Variants in EGLN1 observed in about 807,000 individuals in gnomAD.
EGLN1 encodes egl nine homolog 1.
A neutral mutation model predicts 38.3 loss-of-function variants in EGLN1; 17 were observed. That is an observed-to-expected ratio of 0.44 (90% CI 0.30 to 0.67). EGLN1 has a LOEUF of 0.67. Among genes scored for constraint, EGLN1 ranks in the 30% least tolerant of loss-of-function variants. The pLI is 0.08. For missense variants in EGLN1, 477 were observed against 603.3 expected, an observed-to-expected ratio of 0.79 and a Z score of 2.19; for synonymous variants, 283 against 257.5, an observed-to-expected ratio of 1.10 and a Z score of -0.95.
At chr1:231,401,558 T>G (rs1300380974) in intron 1 of EGLN1, among the ~76,000 whole-genome samples, 1 of 149,016 alleles carries the variant, frequency 6.7e-6, no homozygotes, top group East Asian at 2.0e-4. Context: ...AAATTACAAA[T>G]AGTACAAACT....
rs192719508 is a variant in EGLN1 at position 231,392,419 on chromosome 1, T to C, written c.892-18320A>G. On this transcript the variant is annotated intron_variant, in intron 1 of 4. Coordinates refer to ENST00000366641, the MANE Select transcript of EGLN1 (RefSeq NM_022051.3). ...GCTATTTAAGTCATATTAACAATTA[T>C]TTATTAAGCATACTATGTAGAAAAA... is the stretch of plus-strand genomic sequence containing the variant. 2.4e-3 allele frequency among the ~76,000 whole-genome samples: 371 copies of C among 152,360 alleles called. 6 individuals are homozygous for C. Among genetic ancestry groups the C allele is most frequent in the African/African-American group, 8.3e-3 (345 of 41,588 alleles).
At chr1:231,397,939 G>T (rs922029492) in intron 1 of EGLN1, among the ~76,000 whole-genome samples, 1 of 152,180 alleles carries the variant, frequency 6.6e-6, no homozygotes, top group African/African-American at 2.4e-5. Flanking sequence ...TGAAGAAACT[G>T]ATAAGCCCAT....
At chr1:231,400,884 T>C (rs1486598978) in intron 1 of EGLN1, among the ~76,000 whole-genome samples, 3 of 151,910 alleles carry the variant, frequency 2.0e-5, no homozygotes, top group African/African-American at 4.8e-5. Flanking sequence ...ACCCCATCTC[T>C]ACAAATAATA....
At chr1:231,411,903 G>A (rs1688958444) in intron 1 of EGLN1, among the ~76,000 whole-genome samples, 1 of 151,196 alleles carries the variant, frequency 6.6e-6, no homozygotes, top group African/African-American at 2.4e-5. Context: ...GGAGGCTGAG[G>A]GAGGAGAATC....
At chr1:231,396,641 A>G (rs1688538470) in intron 1 of EGLN1, among the ~76,000 whole-genome samples, 1 of 152,174 alleles carries the variant, frequency 6.6e-6, no homozygotes, top group East Asian at 1.9e-4. Context: ...CACCCCAGTA[A>G]GTCGAGGTTG....
chr1:231,411,688 C>T (rs915525406), intron 1 of EGLN1, among the ~76,000 whole-genome samples: 3 of 152,070 alleles, frequency 2.0e-5, no homozygotes, highest in African/African-American at 7.2e-5. Context: ...AAAAGCAAGG[C>T]TTCCTATGCT....
intron 1 of EGLN1, among the ~76,000 whole-genome samples, chr1:231,406,744 T>G (rs1688807029): frequency 6.6e-6 from 1 of 151,918 alleles, no homozygotes; most frequent in Admixed American, 6.6e-5. Context: ...AGCAGAACAT[T>G]GTGTGTACTA....
intron 1 of EGLN1, among the ~76,000 whole-genome samples, chr1:231,407,402 CA>C (rs1484059229): frequency 1.3e-5 from 2 of 152,142 alleles, no homozygotes; most frequent in African/African-American, 4.8e-5. Flanking sequence ...GAGTAAATTA[CA>C]GTTCGAAAAC....
At chr1:231,379,737 T>C (rs1688036092) in intron 1 of EGLN1, among the ~76,000 whole-genome samples, 1 of 152,136 alleles carries the variant, frequency 6.6e-6, no homozygotes, top group Admixed American at 6.5e-5. Context: ...TGAAGAAAAC[T>C]TCGCAGACAT....
chr1:231,400,206 G>A (rs1021054652), intron 1 of EGLN1, among the ~76,000 whole-genome samples: 20 of 152,138 alleles, frequency 1.3e-4, no homozygotes, highest in African/African-American at 4.1e-4. Flanking sequence ...TTTAACAATG[G>A]AGAGTATGCC....
intron 1 of EGLN1, among the ~76,000 whole-genome samples, chr1:231,420,659 G>A (rs758428116): frequency 2.0e-5 from 3 of 152,074 alleles, no homozygotes; most frequent in Non-Finnish European, 4.4e-5. Flanking sequence ...CCCTTCACTG[G>A]GTGGCTAAAA....
chr1:231,403,015 G>C (rs928664912), intron 1 of EGLN1, among the ~76,000 whole-genome samples: 7 of 151,666 alleles, frequency 4.6e-5, no homozygotes, highest in African/African-American at 1.7e-4. Context: ...AGGTTATTTA[G>C]AAATTCGCTG....
At chr1:231,392,142 C>A (rs1361900115) in intron 1 of EGLN1, among the ~76,000 whole-genome samples, 1 of 152,036 alleles carries the variant, frequency 6.6e-6, no homozygotes, top group Non-Finnish European at 1.5e-5. Context: ...AAAAAATTAG[C>A]CGGATGTGGT....
Position 231,367,577 on chromosome 1 carries a change from T to C in EGLN1, c.1208A>G (p.Tyr403Cys). The C allele has an allele frequency of 1.9e-6, 3 of 1,614,076 alleles. No homozygotes were observed. Among genetic ancestry groups the C allele is most frequent in the Non-Finnish European group, 2.5e-6 (3 of 1,179,994 alleles). Reference protein sequence around the residue: ...ADERARAKVKYLTGEKGVRVE... With the variant: ...ADERARAKVKCLTGEKGVRVE... ...CCCCAAATGACGTTTACCTGTTAGA[T>C]ATTTTACTTTAGCTCGTGCTCTCTC... The change falls in exon 4 of 5, where the codon TAT (tyrosine) becomes TGT (cysteine). Residue 403 changes from tyrosine (Y) to cysteine (C), a missense_variant. Transcript: ENST00000366641.
intron 1 of EGLN1, among the ~76,000 whole-genome samples, chr1:231,414,432 G>GA: frequency 6.6e-6 from 1 of 152,312 alleles, no homozygotes; most frequent in Non-Finnish European, 1.5e-5. Context: ...AGAGAAAAGG[G>GA]AAAGGAAAAC....
At chr1:231,371,961 GT>G (rs1687834830) in intron 2 of EGLN1, among the ~76,000 whole-genome samples, 1 of 152,138 alleles carries the variant, frequency 6.6e-6, no homozygotes, top group South Asian at 2.1e-4. Flanking sequence ...CCTTCCTCAG[GT>G]TCCAGTGTTG....
chr1:231,386,138 G>A (rs529581157), intron 1 of EGLN1, among the ~76,000 whole-genome samples: 7 of 151,488 alleles, frequency 4.6e-5, no homozygotes, highest in Admixed American at 1.3e-4. Flanking sequence ...CAATAATAGC[G>A]TAACTCCCTT....
At chr1:231,398,016 G>A (rs970725409) in intron 1 of EGLN1, among the ~76,000 whole-genome samples, 6 of 152,164 alleles carry the variant, frequency 3.9e-5, no homozygotes, top group Admixed American at 2.0e-4. Context: ...CATGCACCTA[G>A]TAGCATCTAA....
rs1260768580 is a variant in EGLN1, at chr1:231,363,804, A to G, written c.*2607T>C. 1 of 152,246 alleles carries G rather than the reference A, an allele frequency of 6.6e-6. No individual in the cohort carries two copies. Among genetic ancestry groups the G allele is most frequent in the African/African-American group, 2.4e-5 (1 of 41,464 alleles). 9.4% of individuals were successfully genotyped at this position (152,246 alleles called of 1,614,324 possible). A position where few individuals can be genotyped will look rare whatever the true frequency, so the allele number is the denominator to read the frequency against. On this transcript the variant is annotated 3_prime_UTR_variant, in exon 5 of 5. Coordinates refer to ENST00000366641, the MANE Select transcript of EGLN1 (RefSeq NM_022051.3). ...TTTAATTAGATTAGCTTTACAAGCA[A>G]CTTGAGAGCTCTTTCATAATGAAAC...
Sources: allele counts gnomAD v4.1 joint callset (sites outside exome capture counted in the v4.1 genomes callset), GRCh38; gene constraint gnomAD v4.1.1; transcripts MANE v1.5; gene names NCBI Gene and HGNC (gene_info 2026-07-23, HGNC 2026-07-21).